Variants in RSF1 observed in about 807,000 individuals in gnomAD.
RSF1 encodes remodeling and spacing factor 1.
In RSF1, 13 loss-of-function variants were observed where a neutral mutation model predicts 145.2. That is an observed-to-expected ratio of 0.09 (90% CI 0.06 to 0.14). The LOEUF is 0.14. RSF1 is among the 10% of genes least tolerant of loss of function. The pLI is 1.00. For missense variants in RSF1, 1,517 were observed against 1,718.2 expected (o/e 0.88, Z 2.07); for synonymous variants, 577 against 592.6 (o/e 0.97, Z 0.38).
chr11:77,801,007 T>C (rs1948620502), intron 1 of RSF1, among the ~76,000 whole-genome samples: 1 of 145,526 alleles, frequency 6.9e-6, no homozygotes, highest in African/African-American at 2.6e-5. Flanking sequence ...CTTCTCTCTC[T>C]CTCTCAAAAA....
rs914839989 is a variant in RSF1, at chr11:77,678,680, G to A, written c.3066-527C>T. Reference sequence around the variant, plus strand: ...TAAGATTAGTGCCCATATAAAAGAAGCCAGAGAGAGACCCTTTGTTTCTTC... The same window carrying A: ...TAAGATTAGTGCCCATATAAAAGAAACCAGAGAGAGACCCTTTGTTTCTTC... On this transcript the variant is annotated intron_variant, in intron 11 of 15. Transcript: ENST00000308488. Among the ~76,000 whole-genome samples, 4 of 152,130 alleles carry A rather than the reference G, an allele frequency of 2.6e-5. No homozygotes were observed. The South Asian group carries it at 8.3e-4, about 32-fold the overall frequency.
At chr11:77,845,913 T>C in the RSF1 span, among the ~76,000 whole-genome samples, 2 of 152,214 alleles carry the variant, frequency 1.3e-5, no homozygotes, top group Admixed American at 6.5e-5. Context: ...TCCTCTGGGA[T>C]AGTTTCTACT....
rs1184311453 is a variant in RSF1 at position 77,660,718 on chromosome 11, A to T, written c.*6199T>A. ...AAAATTCTAAAGATACCATTTATAA[A>T]TTTTTATGTGGAATTTGTATTCTTC... is the stretch of plus-strand genomic sequence containing the variant. On this transcript the variant is annotated 3_prime_UTR_variant, in exon 16 of 16. Coordinates refer to ENST00000308488, the MANE Select transcript of RSF1 (RefSeq NM_016578.4). 2 of 152,274 alleles carry T rather than the reference A, an allele frequency of 1.3e-5. No homozygotes were observed. The highest frequency in any genetic ancestry group is 6.5e-5 in the Admixed American group (1 of 15,286). The allele number at this position is 152,274 out of a possible 1,614,324, so 9.4% of individuals were successfully genotyped here. A position where few individuals can be genotyped will look rare whatever the true frequency, so the allele number is the denominator to read the frequency against.
intron 1 of RSF1, among the ~76,000 whole-genome samples, chr11:77,799,183 T>A (rs1948603077): frequency 2.0e-5 from 3 of 151,392 alleles, no homozygotes; most frequent in Admixed American, 6.6e-5. Flanking sequence ...AGTAAAAAAA[T>A]AATAATAATA....
Position 77,772,535 on chromosome 11 carries a change from T to C in RSF1, c.188-7846A>G, listed in dbSNP as rs148209953. The stretch of plus-strand genomic sequence containing the variant: ...ATCACTTAAAAACCTGCACTTAATA[T>C]AACAACTATTATATTACTAAAAACT... On this transcript the variant is annotated intron_variant, in intron 1 of 15. Coordinates refer to ENST00000308488, the MANE Select transcript of RSF1 (RefSeq NM_016578.4). Among the ~76,000 whole-genome samples, 218 of 152,192 alleles carry C rather than the reference T, an allele frequency of 1.4e-3. 1 individual carries two copies. Among genetic ancestry groups the C allele is most frequent in the African/African-American group, 3.6e-3 (148 of 41,522 alleles).
At chr11:77,776,678 A>G (rs145681891) in intron 1 of RSF1, among the ~76,000 whole-genome samples, 1 of 152,350 alleles carries the variant, frequency 6.6e-6, no homozygotes, top group African/African-American at 2.4e-5. Context: ...AAAAATTCTG[A>G]CACCTTATTT....
the RSF1 span, chr11:77,841,003 A>T: frequency 9.7e-6 from 5 of 516,964 alleles, no homozygotes; most frequent in South Asian, 1.1e-4. Context: ...AATGAAAATA[A>T]TTTTTTTTCT....
chr11:77,676,466 A>G (rs1245522231), intron 13 of RSF1, among the ~76,000 whole-genome samples: 1 of 152,232 alleles, frequency 6.6e-6, no homozygotes, highest in Non-Finnish European at 1.5e-5. Flanking sequence ...TTTTTCACAT[A>G]GGACTGGAAA....
the RSF1 span, among the ~76,000 whole-genome samples, chr11:77,852,224 C>CAAAAAAAAAAAA: frequency 4.8e-4 from 16 of 33,488 alleles, no homozygotes; most frequent in East Asian, 1.9e-3. Context: ...GACACTGTCT[C>CAAAAAAAAAAAA]AAAAAAAAAA....
the RSF1 span, among the ~76,000 whole-genome samples, chr11:77,836,307 G>A: frequency 1.3e-5 from 2 of 152,110 alleles, no homozygotes; most frequent in African/African-American, 2.4e-5. Flanking sequence ...CTTCAAGGAG[G>A]TAGTTAAAAT....
the RSF1 span, among the ~76,000 whole-genome samples, chr11:77,839,320 G>A: frequency 6.6e-6 from 1 of 151,930 alleles, no homozygotes; most frequent in Non-Finnish European, 1.5e-5. Context: ...TTGTTTGTTT[G>A]TTTTTGTAGA....
intron 1 of RSF1, among the ~76,000 whole-genome samples, chr11:77,809,563 G>A (rs573481730): frequency 7.2e-5 from 11 of 152,276 alleles, no homozygotes; most frequent in African/African-American, 2.6e-4. Flanking sequence ...ATAGCAAGGA[G>A]AAACCAGTTG....
At chr11:77,734,522 A>G (rs1469255224) in intron 4 of RSF1, 1 of 1,585,912 alleles carries the variant, frequency 6.3e-7, no homozygotes, top group African/African-American at 1.3e-5. Flanking sequence ...TCAAAGAGAT[A>G]TTCTGCCAAG....
chr11:77,852,883 T>G, the RSF1 span, among the ~76,000 whole-genome samples: 1 of 152,220 alleles, frequency 6.6e-6, no homozygotes, highest in Admixed American at 6.5e-5. Context: ...TTTTTCTTTT[T>G]TACCACTGTA....
chr11:77,792,653 A>G (rs1948531121), intron 1 of RSF1, among the ~76,000 whole-genome samples: 1 of 152,122 alleles, frequency 6.6e-6, no homozygotes, highest in Admixed American at 6.5e-5. Flanking sequence ...GAAATCATAC[A>G]GAGATTACAT....
rs569377644 is a variant in RSF1, at chr11:77,715,475, T to C, written c.733+10070A>G. Among the ~76,000 whole-genome samples, 11 of 152,256 alleles carry C rather than the reference T, an allele frequency of 7.2e-5. No homozygotes were observed. The East Asian group carries it at 1.4e-3, about 19-fold the overall frequency. ...ATTTATTTATTTTTTTGAGAGGGAGTTGCACTCTGTCGCCCAGGCTGGAGT... is the reference window on the plus strand; with the variant it reads ...ATTTATTTATTTTTTTGAGAGGGAGCTGCACTCTGTCGCCCAGGCTGGAGT... On this transcript the variant is annotated intron_variant, in intron 5 of 15. Coordinates refer to ENST00000308488, the MANE Select transcript of RSF1 (RefSeq NM_016578.4).
intron 1 of RSF1, among the ~76,000 whole-genome samples, chr11:77,807,907 G>A (rs1242181663): frequency 6.6e-6 from 1 of 152,178 alleles, no homozygotes. Context: ...TGGCAGTACA[G>A]GAACACACCC....
At chr11:77,766,657 A>G (rs2135940242) in intron 1 of RSF1, among the ~76,000 whole-genome samples, 1 of 152,342 alleles carries the variant, frequency 6.6e-6, no homozygotes, top group South Asian at 2.1e-4. Context: ...TAAAAAACCA[A>G]AAAGAACATG....
At chr11:77,848,021 T>G in the RSF1 span, among the ~76,000 whole-genome samples, 1 of 152,198 alleles carries the variant, frequency 6.6e-6, no homozygotes, top group African/African-American at 2.4e-5. Flanking sequence ...ATGGATTGGA[T>G]GATGCCTACC....
Sources: allele counts gnomAD v4.1 joint callset (sites outside exome capture counted in the v4.1 genomes callset), GRCh38; gene constraint gnomAD v4.1.1; transcripts MANE v1.5; gene names NCBI Gene and HGNC (gene_info 2026-07-23, HGNC 2026-07-21).